Variants in GRIP1 observed in about 807,000 individuals in gnomAD.
The protein encoded by GRIP1 is glutamate receptor interacting protein 1.
GRIP1 carries 45 observed loss-of-function variants against 129.9 expected under a neutral mutation model. The observed-to-expected ratio is 0.35, with a 90% confidence interval of 0.27 to 0.44. The LOEUF is 0.44. Among genes scored for constraint, GRIP1 ranks in the 20% least tolerant of loss-of-function variants. GRIP1 has a pLI of 1.00. For synonymous variants in GRIP1, 530 were observed against 520.8 expected, an observed-to-expected ratio of 1.02 and a Z score of -0.24; for missense variants, 1,196 against 1,396.8, an observed-to-expected ratio of 0.86 and a Z score of 2.29.
At chr12:66,667,311 C>G (rs1230496666) in intron 1 of GRIP1, among the ~76,000 whole-genome samples, 1 of 152,106 alleles carries the variant, frequency 6.6e-6, no homozygotes, top group African/African-American at 2.4e-5. Flanking sequence ...CTTTTGCTCC[C>G]TTGTCATTAT....
Position 66,404,606 on chromosome 12 carries a change from G to A in GRIP1, c.1984+1677C>T, listed in dbSNP as rs1186810738. Reference sequence around the variant, plus strand: ...GGCAATTATATTTATTCCTAAACCCGTTTATGCCAGCTGTACTTGTTATTT... The same window carrying A: ...GGCAATTATATTTATTCCTAAACCCATTTATGCCAGCTGTACTTGTTATTT... On this transcript the variant is annotated intron_variant, in intron 16 of 24. Coordinates refer to ENST00000359742, the MANE Select transcript of GRIP1 (RefSeq NM_001366722.1). Among the ~76,000 whole-genome samples, 7 of 152,100 alleles carry A rather than the reference G, an allele frequency of 4.6e-5. No homozygotes were observed. In the East Asian group the frequency reaches 5.8e-4, roughly 13 times the overall value.
chr12:66,891,529 C>G (rs977903023), intron 1 of GRIP1, among the ~76,000 whole-genome samples: 1 of 152,024 alleles, frequency 6.6e-6, no homozygotes, highest in African/African-American at 2.4e-5. Flanking sequence ...GAATGATGAC[C>G]GAAGAATACA....
At chr12:66,453,628 G>A (rs917291191) in intron 11 of GRIP1, among the ~76,000 whole-genome samples, 1 of 152,118 alleles carries the variant, frequency 6.6e-6, no homozygotes, top group Non-Finnish European at 1.5e-5. Context: ...TATTTACCAG[G>A]TGTTGTTCTA....
At chr12:66,504,242 T>C (rs1194298282) in intron 7 of GRIP1, among the ~76,000 whole-genome samples, 1 of 152,170 alleles carries the variant, frequency 6.6e-6, no homozygotes, top group Non-Finnish European at 1.5e-5. Context: ...TGAAAGCAAA[T>C]TCCAACTTCT....
intron 11 of GRIP1, among the ~76,000 whole-genome samples, chr12:66,449,143 T>C (rs900181356): frequency 6.6e-6 from 1 of 152,232 alleles, no homozygotes; most frequent in Admixed American, 6.5e-5. Context: ...TGGTCCCGTT[T>C]CAGCATTTAT....
At chr12:66,688,000 C>T (rs1004529552) in intron 1 of GRIP1, among the ~76,000 whole-genome samples, 2 of 152,144 alleles carry the variant, frequency 1.3e-5, no homozygotes, top group Admixed American at 6.6e-5. Context: ...TATCTTATCA[C>T]CACATGGGAA....
chr12:67,020,013 C>A (rs7953084), intron 1 of GRIP1, among the ~76,000 whole-genome samples: 17,741 of 152,176 alleles, frequency 0.12, 1,112 homozygotes, highest in Middle Eastern at 0.13. Context: ...GTACATAAAT[C>A]TCAGCTTTGT....
intron 7 of GRIP1, among the ~76,000 whole-genome samples, chr12:66,509,962 G>GA (rs904399801): frequency 1.6e-4 from 24 of 146,930 alleles, no homozygotes; most frequent in Admixed American, 3.4e-4. Context: ...AGTTGAAGAA[G>GA]AAAAAAAAAA....
chr12:66,618,522 T>C (rs1179778878), intron 1 of GRIP1, among the ~76,000 whole-genome samples: 1 of 152,086 alleles, frequency 6.6e-6, no homozygotes, highest in African/African-American at 2.4e-5. Flanking sequence ...TTTGAATCTA[T>C]CTATTAAAAA....
At position 66,746,118 on chromosome 12, in the gene GRIP1, G is replaced by A. The variant is rs569471109; in HGVS notation, c.-420+57935C>T. On this transcript the variant is annotated intron_variant, in intron 1 of 4. Coordinates refer to the GRIP1 transcript ENST00000538373. ...GGCAGAATTTGCTGGCTGCCACATC[G>A]ATTGAATATAAAAACAGTGAAAAGG... Among the ~76,000 whole-genome samples the A allele has an allele frequency of 2.0e-5, 3 of 152,236 alleles. No individual in the cohort carries two copies. In the East Asian group the frequency reaches 5.8e-4, roughly 29 times the overall value.
chr12:66,792,725 A>T (rs2038579700), intron 1 of GRIP1, among the ~76,000 whole-genome samples: 1 of 152,090 alleles, frequency 6.6e-6, no homozygotes, highest in African/African-American at 2.4e-5. Context: ...TAAAAACTAA[A>T]AAGTAAAAAA....
At chr12:66,808,711 A>AT (rs1358929503), upstream of GRIP1, among the ~76,000 whole-genome samples, 2 of 152,162 alleles carry the variant, frequency 1.3e-5, no homozygotes, top group Admixed American at 6.5e-5. Flanking sequence ...CTTGAGCCTG[A>AT]TTCCAATATG....
intron 1 of GRIP1, among the ~76,000 whole-genome samples, chr12:66,837,627 T>A (rs2039638732): frequency 6.6e-6 from 1 of 152,138 alleles, no homozygotes; most frequent in Non-Finnish European, 1.5e-5. Context: ...CATTGAAAAG[T>A]TTCTAAAAGA....
At chr12:66,426,236 T>C (rs1444106162) in intron 14 of GRIP1, among the ~76,000 whole-genome samples, 2 of 152,132 alleles carry the variant, frequency 1.3e-5, no homozygotes, top group African/African-American at 2.4e-5. Flanking sequence ...CTTTAATGTG[T>C]TTCTTTCCTC....
intron 1 of GRIP1, among the ~76,000 whole-genome samples, chr12:66,658,282 C>T (rs1052753108): frequency 2.0e-5 from 3 of 152,066 alleles, no homozygotes; most frequent in African/African-American, 7.2e-5. Context: ...CTAAGCTAAC[C>T]GTAGGTTTGG....
At chr12:66,444,784 G>A in intron 12 of GRIP1, 55 bp from the exon 13 acceptor site, 1 of 1,585,310 alleles carries the variant, frequency 6.3e-7, no homozygotes. Context: ...TTACCAAGCT[G>A]AGCTTGCCAA....
chr12:66,783,060 A>G (rs529872471), intron 1 of GRIP1, among the ~76,000 whole-genome samples: 1 of 151,160 alleles, frequency 6.6e-6, no homozygotes, highest in African/African-American at 2.4e-5. Context: ...TTTTTTTAAG[A>G]CACTCTGTCA....
intron 16 of GRIP1, among the ~76,000 whole-genome samples, chr12:66,403,782 G>C (rs991830792): frequency 3.9e-5 from 6 of 152,090 alleles, no homozygotes; most frequent in African/African-American, 1.4e-4. Context: ...GGTATAAAGG[G>C]GGAAAATGAG....
intron 19 of GRIP1, among the ~76,000 whole-genome samples, chr12:66,387,656 T>A (rs539586272): frequency 2.0e-5 from 3 of 151,906 alleles, no homozygotes; most frequent in Admixed American, 6.5e-5. Flanking sequence ...ATCACAAAAT[T>A]TAAAAAATAC....
Sources: allele counts gnomAD v4.1 joint callset (sites outside exome capture counted in the v4.1 genomes callset), GRCh38; gene constraint gnomAD v4.1.1; transcripts MANE v1.5; gene names NCBI Gene and HGNC (gene_info 2026-07-23, HGNC 2026-07-21).